DMXL1: variants seen among roughly 807,000 people sequenced by gnomAD.
The protein encoded by DMXL1 is dmX-like protein 1.
A neutral mutation model predicts 319.2 loss-of-function variants in DMXL1; 99 were observed. The ratio of observed to expected loss-of-function variants is 0.31; its 90% CI spans 0.26 to 0.37. The LOEUF (loss-of-function observed/expected upper bound fraction) is 0.37, where lower values mean the gene tolerates loss of function less well. DMXL1 is among the 10% of genes least tolerant of loss of function. The probability of loss-of-function intolerance (pLI) is 1.00; values close to 1 mark genes in which losing one functional copy is unlikely to be tolerated. For missense variants in DMXL1, 3,745 were observed against 3,595.6 expected (o/e 1.04, Z -1.06); for synonymous variants, 1,385 against 1,235.2 (o/e 1.12, Z -2.54).
intron 18 of DMXL1, among the ~76,000 whole-genome samples, chr5:119,151,681 G>C (rs893083868): frequency 2.0e-5 from 3 of 152,048 alleles, no homozygotes; most frequent in African/African-American, 7.2e-5. Flanking sequence ...ATTTAAATAA[G>C]ATTTCAGTCA....
intron 35 of DMXL1, among the ~76,000 whole-genome samples, chr5:119,217,737 A>G (rs1783932287): frequency 6.6e-6 from 1 of 152,194 alleles, no homozygotes; most frequent in South Asian, 2.1e-4. Flanking sequence ...TTATGTAGAT[A>G]CATACCCTGT....
intron 25 of DMXL1, among the ~76,000 whole-genome samples, chr5:119,174,475 A>G (rs1676325199): frequency 6.6e-6 from 1 of 152,242 alleles, no homozygotes; most frequent in African/African-American, 2.4e-5. Context: ...GTCATCTTCA[A>G]TTATATAATA....
At chr5:119,227,686 C>G (rs1182703227) in intron 38 of DMXL1, among the ~76,000 whole-genome samples, 1 of 152,020 alleles carries the variant, frequency 6.6e-6, no homozygotes, top group Non-Finnish European at 1.5e-5. Context: ...TGGGTGATAT[C>G]TGATTCTGTG....
chr5:119,155,934 G>A (rs1049520916), intron 19 of DMXL1, among the ~76,000 whole-genome samples: 1 of 152,044 alleles, frequency 6.6e-6, no homozygotes, highest in Admixed American at 6.5e-5. Flanking sequence ...TGAAGATGCA[G>A]TGAACATGGT....
At chr5:119,093,070 G>C (rs1755149900) in intron 1 of DMXL1, among the ~76,000 whole-genome samples, 1 of 151,894 alleles carries the variant, frequency 6.6e-6, no homozygotes, top group Non-Finnish European at 1.5e-5. Flanking sequence ...TTTACAAATT[G>C]AAGTTTTGTG....
At chr5:119,196,815 A>AAGGGGCATG (rs1260771566) in intron 31 of DMXL1, among the ~76,000 whole-genome samples, 1 of 152,210 alleles carries the variant, frequency 6.6e-6, no homozygotes, top group Admixed American at 6.5e-5. Flanking sequence ...ACAGGAAAGA[A>AAGGGGCATG]AGGGGCATGA....
In DMXL1 at chr5:119,116,894, A is replaced by G. The variant is rs534689865; in HGVS notation, c.743+558A>G. On this transcript the variant is annotated intron_variant, in intron 7 of 43. Coordinates refer to ENST00000539542, the MANE Select transcript of DMXL1 (RefSeq NM_001290321.3). ...AAAGCACACAGTGACACACACATAC[A>G]TATCCTCAGTATCTTCTTTTTTTTT... Among the ~76,000 whole-genome samples the G allele has an allele frequency of 2.6e-5, 4 of 152,222 alleles. No homozygotes were observed. In the East Asian group the frequency reaches 7.7e-4, roughly 29 times the overall value.
At chr5:119,090,923 G>A (rs1250004756) in intron 1 of DMXL1, among the ~76,000 whole-genome samples, 1 of 151,700 alleles carries the variant, frequency 6.6e-6, no homozygotes, top group Non-Finnish European at 1.5e-5. Flanking sequence ...TCTTCTGCTT[G>A]ATCCATTCTT....
In DMXL1 at chr5:119,177,352, C is replaced by T. The variant is rs766909407; in HGVS notation, c.6759-5C>T. On this transcript the variant is annotated splice_polypyrimidine_tract_variant and splice_region_variant and intron_variant, in intron 26 of 43. Transcript: ENST00000539542. Reference sequence around the variant, plus strand: ...ATAGATTTAAATATTGTTTTTTTCTCTTAGTTCATTTCAGACGAATCAGTT... The same window carrying T: ...ATAGATTTAAATATTGTTTTTTTCTTTTAGTTCATTTCAGACGAATCAGTT... 2.7e-6 allele frequency: 4 copies of T among 1,507,028 alleles called. No individual in the cohort carries two copies. Among genetic ancestry groups the T allele is most frequent in the African/African-American group, 1.4e-5 (1 of 71,146 alleles). 93.4% of individuals were successfully genotyped at this position (1,507,028 alleles called of 1,614,324 possible). A position where few individuals can be genotyped will look rare whatever the true frequency, so the allele number is the denominator to read the frequency against.
Position 119,178,254 on chromosome 5 carries a change from A to C in DMXL1, c.7135+10A>C. The C allele has an allele frequency of 6.2e-7, 1 of 1,609,220 alleles. No homozygotes were observed. Among genetic ancestry groups the C allele is most frequent in the Non-Finnish European group, 8.5e-7 (1 of 1,177,570 alleles). On this transcript the variant is annotated intron_variant, in intron 28 of 43. Transcript: ENST00000539542. ...TCAAAAACTTTACCTGGTGAGTTTA[A>C]AAAATTTTTTTAGGACTGAAGCTTT...
intron 28 of DMXL1, among the ~76,000 whole-genome samples, chr5:119,186,719 T>G (rs559626977): frequency 2.0e-5 from 3 of 152,342 alleles, no homozygotes; most frequent in Non-Finnish European, 4.4e-5. Context: ...ATGTGTAGCC[T>G]GTTAGCCATT....
intron 9 of DMXL1, among the ~76,000 whole-genome samples, chr5:119,124,695 AGCTGGGATTACAG>A (rs1763111604): frequency 6.7e-6 from 1 of 150,358 alleles, no homozygotes; most frequent in Non-Finnish European, 1.5e-5. Flanking sequence ...CCTCCTGAGT[AGCTGGGATTACAG>A]GCATGAGCCA....
At chr5:119,208,801 C>G (rs572231350) in intron 34 of DMXL1, among the ~76,000 whole-genome samples, 2 of 152,170 alleles carry the variant, frequency 1.3e-5, no homozygotes, top group African/African-American at 4.8e-5. Flanking sequence ...ATCACCACAA[C>G]CAGGATAATG....
In DMXL1 at chr5:119,148,828, A is replaced by C; in HGVS notation, c.3001A>C (p.Arg1001=). Reference sequence around the variant, plus strand: ...TTCAGATGAGAAAGTAAGATTCTGGAGATGCAGAGTAACAGATGGAGAATC... The same window carrying C: ...TTCAGATGAGAAAGTAAGATTCTGGCGATGCAGAGTAACAGATGGAGAATC... ...SCSDEKVRFW[R]CRVTDGESAT... Residue 1001 remains arginine, a synonymous_variant, in exon 18 of 44, where the codon AGA becomes CGA. Coordinates refer to ENST00000539542, the MANE Select transcript of DMXL1 (RefSeq NM_001290321.3). 1 of 1,613,734 alleles carries C rather than the reference A, an allele frequency of 6.2e-7. No homozygotes were observed. Among genetic ancestry groups the C allele is most frequent in the Non-Finnish European group, 8.5e-7 (1 of 1,179,746 alleles).
Position 119,071,299 on chromosome 5 carries a change from C to A in DMXL1, c.-271C>A. The A allele has an allele frequency of 4.3e-6, 2 of 465,170 alleles. No individual in the cohort carries two copies. The highest frequency in any genetic ancestry group is 7.7e-6 in the Non-Finnish European group (2 of 260,640). 28.8% of individuals were successfully genotyped at this position (465,170 alleles called of 1,614,324 possible). A position where few individuals can be genotyped will look rare whatever the true frequency, so the allele number is the denominator to read the frequency against. On this transcript the variant is annotated 5_prime_UTR_variant, in exon 1 of 44. Transcript: ENST00000539542. The stretch of plus-strand genomic sequence containing the variant: ...TCGTGGCCGGTGAGGGGACCCTGAG[C>A]TTCACCTGGGCTAGCGCGGGGAGTG...
At chr5:119,223,842 A>G (rs1006187852) in intron 37 of DMXL1, among the ~76,000 whole-genome samples, 5 of 152,196 alleles carry the variant, frequency 3.3e-5, no homozygotes, top group African/African-American at 1.2e-4. Flanking sequence ...TAAGAAGAAC[A>G]TGGAATTTAA....
At chr5:119,118,624 A>T (rs967183576) in intron 7 of DMXL1, among the ~76,000 whole-genome samples, 191 bp from the exon 8 acceptor site, 3 of 152,200 alleles carry the variant, frequency 2.0e-5, no homozygotes, top group Non-Finnish European at 4.4e-5. Context: ...TTATTGAAAC[A>T]AGAACTACTG....
chr5:119,106,361 T>TA (rs1758344253), intron 4 of DMXL1, among the ~76,000 whole-genome samples: 1 of 152,198 alleles, frequency 6.6e-6, no homozygotes, highest in Non-Finnish European at 1.5e-5. Context: ...TGATGAAAGA[T>TA]ATGGCAAAGT....
At chr5:119,203,774 G>T (rs1781249018) in intron 33 of DMXL1, among the ~76,000 whole-genome samples, 2 of 151,908 alleles carry the variant, frequency 1.3e-5, no homozygotes, top group Non-Finnish European at 2.9e-5. Context: ...AAGTTTAATT[G>T]TAACTTAGAA....
Sources: allele counts gnomAD v4.1 joint callset (sites outside exome capture counted in the v4.1 genomes callset), GRCh38; gene constraint gnomAD v4.1.1; transcripts MANE v1.5; gene names NCBI Gene and HGNC (gene_info 2026-07-23, HGNC 2026-07-21).